The following SLC24A3 variants were observed in gnomAD, a reference collection of about 807,000 sequenced individuals.
SLC24A3 encodes the protein sodium/potassium/calcium exchanger 3.
A neutral mutation model predicts 75.8 loss-of-function variants in SLC24A3; 28 were observed. The observed-to-expected ratio is 0.37, with a 90% CI of 0.27 to 0.51. The LOEUF is 0.51. Ranked by LOEUF, SLC24A3 falls within the 20% of genes least tolerant of loss-of-function variation. SLC24A3 has a pLI of 0.94. For missense variants in SLC24A3, 663 were observed against 847.8 expected, an observed-to-expected ratio of 0.78 and a Z score of 2.71; for synonymous variants, 372 against 334.1, an observed-to-expected ratio of 1.11 and a Z score of -1.24.
chr20:19,294,065 A>G (rs1380582831), intron 2 of SLC24A3, among the ~76,000 whole-genome samples: 2 of 151,904 alleles, frequency 1.3e-5, no homozygotes, highest in South Asian at 4.1e-4. Context: ...ACCTAATACA[A>G]TGCCTATACA....
chr20:19,343,082 AAAGAAAAAAG>A (rs1374152952), intron 2 of SLC24A3, among the ~76,000 whole-genome samples: 2 of 147,344 alleles, frequency 1.4e-5, no homozygotes, highest in African/African-American at 5.3e-5. Context: ...AAAAAAAAAA[AAAGAAAAAAG>A]AAAAAGAAAA....
chr20:19,560,352 T>A (rs2030856123), intron 3 of SLC24A3, among the ~76,000 whole-genome samples: 1 of 152,330 alleles, frequency 6.6e-6, no homozygotes, highest in African/African-American at 2.4e-5. Flanking sequence ...CTGTTGTTGT[T>A]AATTGTTCTT....
At chr20:19,679,997 T>C (rs1302799310) in intron 9 of SLC24A3, among the ~76,000 whole-genome samples, 1 of 151,168 alleles carries the variant, frequency 6.6e-6, no homozygotes, top group Non-Finnish European at 1.5e-5. Flanking sequence ...CCTTGGCCTC[T>C]GTGTCTGTGT....
intron 1 of SLC24A3, among the ~76,000 whole-genome samples, chr20:19,272,717 C>T (rs1256456411): frequency 6.6e-6 from 1 of 152,218 alleles, no homozygotes; most frequent in African/African-American, 2.4e-5. Context: ...CTTTTCTGTA[C>T]GCTGTGCCTC....
At chr20:19,628,622 C>G (rs1032752152) in intron 6 of SLC24A3, among the ~76,000 whole-genome samples, 5 of 152,162 alleles carry the variant, frequency 3.3e-5, no homozygotes, top group African/African-American at 1.2e-4. Context: ...CTTGCCTGAC[C>G]TAGAATGCTG....
intron 1 of SLC24A3, among the ~76,000 whole-genome samples, chr20:19,222,978 G>A (rs1276756464): frequency 6.6e-6 from 1 of 151,896 alleles, no homozygotes; most frequent in Non-Finnish European, 1.5e-5. Context: ...GAGAATTTCA[G>A]ATTCACACAC....
intron 2 of SLC24A3, among the ~76,000 whole-genome samples, chr20:19,476,996 G>A (rs981128106): frequency 6.6e-6 from 1 of 152,092 alleles, no homozygotes; most frequent in African/African-American, 2.4e-5. Context: ...AACCCTACGG[G>A]TGTCAGCTGA....
chr20:19,536,458 A>G (rs1363749391), intron 3 of SLC24A3, among the ~76,000 whole-genome samples: 1 of 152,094 alleles, frequency 6.6e-6, no homozygotes, highest in Non-Finnish European at 1.5e-5. Context: ...GCCCAAGGTA[A>G]TTTATAGATT....
At chr20:19,693,484 A>C (rs1018111111) in intron 13 of SLC24A3, 59 bp downstream of exon 13, 1 of 1,584,084 alleles carries the variant, frequency 6.3e-7, no homozygotes, top group Non-Finnish European at 8.6e-7. Flanking sequence ...AAAGAAGGGA[A>C]TAAGAGTCAG....
At chr20:19,651,721 C>T (rs1007495400) in intron 6 of SLC24A3, among the ~76,000 whole-genome samples, 1 of 151,866 alleles carries the variant, frequency 6.6e-6, no homozygotes, top group Non-Finnish European at 1.5e-5. Context: ...ATTTGCCAGG[C>T]GTGGTGGTGG....
At chr20:19,351,561 G>A (rs1169489906) in intron 2 of SLC24A3, among the ~76,000 whole-genome samples, 2 of 152,070 alleles carry the variant, frequency 1.3e-5, no homozygotes, top group South Asian at 2.1e-4. Flanking sequence ...CTTCCCATGG[G>A]CCCTTGTGTG....
At chr20:19,524,204 C>T (rs1445148231) in intron 3 of SLC24A3, among the ~76,000 whole-genome samples, 1 of 152,184 alleles carries the variant, frequency 6.6e-6, no homozygotes, top group African/African-American at 2.4e-5. Context: ...CCTGGAACCT[C>T]CTGGGATCCC....
At chr20:19,442,497 T>G (rs544152442) in intron 2 of SLC24A3, among the ~76,000 whole-genome samples, 21 of 152,230 alleles carry the variant, frequency 1.4e-4, no homozygotes, top group Non-Finnish European at 2.9e-4. Flanking sequence ...ATTTGTCATC[T>G]GTACATCTTC....
intron 2 of SLC24A3, among the ~76,000 whole-genome samples, chr20:19,332,620 G>A (rs35873025): frequency 2.6e-5 from 4 of 152,130 alleles, no homozygotes; most frequent in Non-Finnish European, 4.4e-5. Flanking sequence ...GAGCACTGGG[G>A]AAGAATAAAT....
intron 2 of SLC24A3, among the ~76,000 whole-genome samples, chr20:19,378,526 G>C (rs1230128242): frequency 3.3e-5 from 5 of 152,200 alleles, no homozygotes; most frequent in Admixed American, 6.5e-5. Context: ...GGAACAAATT[G>C]AACTGATGTA....
chr20:19,223,844 G>C (rs1310112119), intron 1 of SLC24A3, among the ~76,000 whole-genome samples: 1 of 152,152 alleles, frequency 6.6e-6, no homozygotes. Flanking sequence ...CATGACAGTC[G>C]ATCTGATAAC....
chr20:19,481,557 G>A lies in SLC24A3; in HGVS notation c.272-33931G>A, dbSNP rs374462661. On this transcript the variant is annotated intron_variant, in intron 2 of 16. Coordinates refer to ENST00000328041, the MANE Select transcript of SLC24A3 (RefSeq NM_020689.4). ...ACAATGACTCTGACTTCAGCTGGGTGCCTGGAGAAACGGTGGTCCCACAAG... is the reference window on the plus strand; with the variant it reads ...ACAATGACTCTGACTTCAGCTGGGTACCTGGAGAAACGGTGGTCCCACAAG... 3.9e-5 allele frequency among the ~76,000 whole-genome samples: 6 copies of A among 152,312 alleles called. No individual in the cohort carries two copies. In the East Asian group the frequency reaches 9.7e-4, roughly 25 times the overall value.
At chr20:19,381,238 A>T (rs1040578549) in intron 2 of SLC24A3, among the ~76,000 whole-genome samples, 2 of 152,156 alleles carry the variant, frequency 1.3e-5, no homozygotes, top group African/African-American at 4.8e-5. Flanking sequence ...GGAGGTGGGG[A>T]CTCAACAGTG....
At chr20:19,689,332 C>T (rs1011102549) in intron 12 of SLC24A3, among the ~76,000 whole-genome samples, 2 of 152,208 alleles carry the variant, frequency 1.3e-5, no homozygotes, top group African/African-American at 4.8e-5. Context: ...TCAAAGCTGA[C>T]TGAGGAACAT....
Sources: allele counts gnomAD v4.1 joint callset (sites outside exome capture counted in the v4.1 genomes callset), GRCh38; gene constraint gnomAD v4.1.1; transcripts MANE v1.5; gene names NCBI Gene and HGNC (gene_info 2026-07-23, HGNC 2026-07-21).